DYSF: variants seen among roughly 807,000 people sequenced by gnomAD.
The protein encoded by DYSF is dystrophy-associated fer-1-like 1.
A neutral mutation model predicts 274.9 loss-of-function variants in DYSF; 212 were observed. That is an observed-to-expected ratio of 0.77 (90% CI 0.69 to 0.86). The LOEUF (loss-of-function observed/expected upper bound fraction) is 0.86. Among genes scored for constraint, DYSF ranks in the 40% least tolerant of loss-of-function variants. The pLI, the probability that DYSF is intolerant of heterozygous loss-of-function variation, is 0.00. For missense variants in DYSF, 2,666 were observed against 2,783.2 expected, an observed-to-expected ratio of 0.96 and a Z score of 0.95; for synonymous variants, 1,091 against 1,078.7, an observed-to-expected ratio of 1.01 and a Z score of -0.22.
At chr2:71,638,585 T>C (rs918432084) in intron 41 of DYSF, among the ~76,000 whole-genome samples, 1 of 152,226 alleles carries the variant, frequency 6.6e-6, no homozygotes, top group Non-Finnish European at 1.5e-5. Flanking sequence ...CTACAATATG[T>C]GGTCTTTTGT....
At chr2:71,520,317 G>A in intron 11 of DYSF, 109 bp downstream of exon 11, 3 of 1,227,238 alleles carry the variant, frequency 2.4e-6, no homozygotes, top group Non-Finnish European at 3.6e-6. Context: ...AGAATCTAGA[G>A]GAAGGGTTTG....
intron 36 of DYSF, among the ~76,000 whole-genome samples, chr2:71,604,715 T>C (rs764191835): frequency 1.3e-5 from 2 of 152,216 alleles, no homozygotes; most frequent in Non-Finnish European, 2.9e-5. Flanking sequence ...GGGAAGTGCC[T>C]TTCAGCTAGC....
intron 41 of DYSF, among the ~76,000 whole-genome samples, chr2:71,639,950 T>C (rs2094461750): frequency 1.3e-5 from 2 of 152,238 alleles, no homozygotes; most frequent in African/African-American, 2.4e-5. Context: ...TGCATTTATG[T>C]GTAGGCACAG....
At chr2:71,648,467 A>G (rs895312263) in intron 42 of DYSF, among the ~76,000 whole-genome samples, 1 of 152,208 alleles carries the variant, frequency 6.6e-6, no homozygotes, top group African/African-American at 2.4e-5. Flanking sequence ...AGAGAAAATG[A>G]CAGATATAGA....
At chr2:71,667,866 A>T (rs1230968272) in intron 48 of DYSF, among the ~76,000 whole-genome samples, 3 of 152,166 alleles carry the variant, frequency 2.0e-5, no homozygotes, top group African/African-American at 7.2e-5. Flanking sequence ...TCAGTGACTC[A>T]GTCTCAGATG....
chr2:71,638,617 A>G (rs527428516), intron 41 of DYSF, among the ~76,000 whole-genome samples: 30 of 152,316 alleles, frequency 2.0e-4, no homozygotes, highest in Non-Finnish European at 4.3e-4. Context: ...TTCACTTAGC[A>G]TAAGGTTTTC....
chr2:71,536,226 A>T (rs757356109), intron 16 of DYSF, among the ~76,000 whole-genome samples: 6 of 152,192 alleles, frequency 3.9e-5, no homozygotes, highest in Non-Finnish European at 7.3e-5. Context: ...GTGGTTCCCC[A>T]GCGTGTTCTC....
At chr2:71,655,822 C>T (rs1380051062) in intron 42 of DYSF, among the ~76,000 whole-genome samples, 1 of 152,170 alleles carries the variant, frequency 6.6e-6, no homozygotes, top group Non-Finnish European at 1.5e-5. Flanking sequence ...CAGGTACTTA[C>T]AATATTTTAT....
chr2:71,674,343 A>G, intron 52 of DYSF, 47 bp downstream of exon 52: 1 of 1,578,372 alleles, frequency 6.3e-7, no homozygotes, highest in Non-Finnish European at 8.7e-7. Flanking sequence ...GGGCTGCCCC[A>G]GAACCCACAC....
At chr2:71,589,734 T>G in intron 31 of DYSF, 48 bp downstream of exon 31, 3 of 1,499,886 alleles carry the variant, frequency 2.0e-6, no homozygotes, top group Non-Finnish European at 2.8e-6. Context: ...GTGTGTCACC[T>G]TATGCTTCTG....
intron 51 of DYSF, among the ~76,000 whole-genome samples, chr2:71,671,534 C>T (rs1470777494): frequency 1.3e-5 from 2 of 152,222 alleles, no homozygotes; most frequent in Non-Finnish European, 2.9e-5. Context: ...CAGCCCCTTC[C>T]TCATGACAGG....
rs189500316 is a variant in DYSF at position 71,666,894 on chromosome 2, C to T, written c.5318-482C>T. Among the ~76,000 whole-genome samples the T allele has an allele frequency of 6.6e-5, 10 of 152,314 alleles. No individual in the cohort carries two copies. In the East Asian group the frequency reaches 1.7e-3, roughly 26 times the overall value. ...ATAGCTTGAAGAACAGTGTGTGGCA[C>T]GTGGTTCCTGCTCTGGAAGTGTTTG... On this transcript the variant is annotated intron_variant, in intron 47 of 55. Coordinates refer to ENST00000410020, the MANE Select transcript of DYSF (RefSeq NM_001130987.2).
At chr2:71,656,413 G>A in intron 43 of DYSF, 123 bp downstream of exon 43, 1 of 1,393,592 alleles carries the variant, frequency 7.2e-7, no homozygotes, top group Non-Finnish European at 1.0e-6. Context: ...GACCACATGG[G>A]TAATGGAGGT....
intron 16 of DYSF, among the ~76,000 whole-genome samples, chr2:71,537,919 G>A (rs560434463): frequency 6.6e-6 from 1 of 152,292 alleles, no homozygotes; most frequent in Non-Finnish European, 1.5e-5. Context: ...GTCCTGCCCA[G>A]CCCAGTGTTT....
chr2:71,550,887 G>A (rs552175868), intron 17 of DYSF, among the ~76,000 whole-genome samples, 154 bp from the exon 18 acceptor site: 19 of 152,312 alleles, frequency 1.2e-4, no homozygotes, highest in Non-Finnish European at 2.9e-5. Flanking sequence ...GCTATCGCTC[G>A]TGGCGTTCTT....
At chr2:71,665,131 A>G (rs776290064) in intron 46 of DYSF, 31 bp from the exon 47 acceptor site, 4 of 1,612,636 alleles carry the variant, frequency 2.5e-6, no homozygotes, top group Non-Finnish European at 2.5e-6. Flanking sequence ...TCCTTGAAGC[A>G]TCTCATCTAT....
chr2:71,465,127 A>G (rs1254368583), upstream of DYSF, among the ~76,000 whole-genome samples: 2 of 152,158 alleles, frequency 1.3e-5, no homozygotes, highest in Non-Finnish European at 2.9e-5. Context: ...GAGAGCAATA[A>G]CATCATGCTT....
At chr2:71,513,649 G>C in intron 6 of DYSF, 67 bp from the exon 7 acceptor site, 1 of 1,551,372 alleles carries the variant, frequency 6.4e-7, no homozygotes, top group Non-Finnish European at 8.9e-7. Flanking sequence ...CCTGGGCTGG[G>C]TCCCAGGGGC....
chr2:71,563,463 G>A (rs571966181), intron 23 of DYSF, among the ~76,000 whole-genome samples: 1 of 152,194 alleles, frequency 6.6e-6, no homozygotes, highest in Non-Finnish European at 1.5e-5. Flanking sequence ...TGTGCAGCTG[G>A]GAGCAGTTGT....
Sources: gnomAD v4.1 joint callset for allele counts (sites outside exome capture counted in the v4.1 genomes callset) on GRCh38, gnomAD v4.1.1 for gene constraint, MANE v1.5 for transcripts, NCBI Gene and HGNC (gene_info 2026-07-23, HGNC 2026-07-21) for gene names.